The following ENTREP2 variants were observed in gnomAD, a reference collection of about 807,000 sequenced individuals.
The protein encoded by ENTREP2 is endosomal transmembrane epsin interactor 2.
chr15:29,460,311 A>C, the ENTREP2 span, among the ~76,000 whole-genome samples: 1 of 151,944 alleles, frequency 6.6e-6, no homozygotes, highest in Non-Finnish European at 1.5e-5. Context: ...ATATGAAACA[A>C]TGTATGTGTC....
At chr15:29,265,826 C>G in the ENTREP2 span, 1 of 152,128 alleles carries the variant, frequency 6.6e-6, no homozygotes, top group African/African-American at 2.4e-5. Flanking sequence ...AATACAAAAA[C>G]TATTTCCATA....
the ENTREP2 span, among the ~76,000 whole-genome samples, chr15:29,219,862 G>T: frequency 6.6e-6 from 1 of 151,378 alleles, no homozygotes; most frequent in Non-Finnish European, 1.5e-5. Context: ...GGGTACTTGA[G>T]GGGAAAAGTA....
the ENTREP2 span, among the ~76,000 whole-genome samples, chr15:29,286,962 G>T: frequency 1.3e-5 from 2 of 152,030 alleles, no homozygotes; most frequent in South Asian, 2.1e-4. Context: ...AACAATTCGG[G>T]CCACTATGGG....
At chr15:29,435,679 T>C in the ENTREP2 span, among the ~76,000 whole-genome samples, 3 of 151,968 alleles carry the variant, frequency 2.0e-5, no homozygotes, top group African/African-American at 7.3e-5. Context: ...CACATATATA[T>C]ACACACATAT....
At chr15:29,607,798 G>GGATAGATAGATA in the ENTREP2 span, among the ~76,000 whole-genome samples, 18,923 of 149,842 alleles carry the variant, frequency 0.13, 1,537 homozygotes, top group African/African-American at 0.23. Context: ...TAGAATAGAG[G>GGATAGATAGATA]GATAGATAGA....
the ENTREP2 span, among the ~76,000 whole-genome samples, chr15:29,211,857 T>C: frequency 4.6e-5 from 7 of 152,214 alleles, no homozygotes; most frequent in Non-Finnish European, 1.0e-4. Flanking sequence ...TATCTTTTGA[T>C]ATGTTGTTGG....
At chr15:29,209,064 G>A in the ENTREP2 span, among the ~76,000 whole-genome samples, 5 of 152,204 alleles carry the variant, frequency 3.3e-5, no homozygotes, top group South Asian at 8.3e-4. Context: ...GGCTCCCGGG[G>A]ATGCTGGAGA....
chr15:29,239,908 T>C, the ENTREP2 span, among the ~76,000 whole-genome samples: 1 of 152,358 alleles, frequency 6.6e-6, no homozygotes, highest in East Asian at 1.9e-4. Flanking sequence ...GTTTCTCTCA[T>C]TATTCAAAGA....
At chr15:29,282,326 C>G in the ENTREP2 span, among the ~76,000 whole-genome samples, 1 of 152,198 alleles carries the variant, frequency 6.6e-6, no homozygotes, top group African/African-American at 2.4e-5. Flanking sequence ...AAGACGTGCC[C>G]TTTGCCTTCT....
the ENTREP2 span, among the ~76,000 whole-genome samples, chr15:29,195,858 T>C: frequency 6.6e-6 from 1 of 152,218 alleles, no homozygotes; most frequent in Non-Finnish European, 1.5e-5. Context: ...TTTGGCACAG[T>C]TTTATTCAGG....
chr15:29,299,515 C>A, the ENTREP2 span, among the ~76,000 whole-genome samples: 1 of 152,106 alleles, frequency 6.6e-6, no homozygotes, highest in Non-Finnish European at 1.5e-5. Flanking sequence ...ACTTGCTCTT[C>A]CTTCTGTCTG....
chr15:29,641,739 C>T, the ENTREP2 span, among the ~76,000 whole-genome samples: 2 of 145,896 alleles, frequency 1.4e-5, no homozygotes, highest in Admixed American at 1.4e-4. Flanking sequence ...GGCTGAGGCA[C>T]AAGAATCTCT....
chr15:29,135,485 G>A, the ENTREP2 span, among the ~76,000 whole-genome samples: 1 of 152,066 alleles, frequency 6.6e-6, no homozygotes, highest in South Asian at 2.1e-4. This position sits in a 1 kb window ranked among gnomAD's most constrained non-coding sequence, Gnocchi z 7.4. Flanking sequence ...CCATCTCTCT[G>A]TCCTGGCTAG....
chr15:29,119,280 T>TACAATTCTCGACGTGGCCAACAAACAA, the ENTREP2 span, among the ~76,000 whole-genome samples: 10 of 10,520 alleles, frequency 9.5e-4, no homozygotes, highest in Admixed American at 3.6e-3. Context: ...TTAAGAATGA[T>TACAATTCTCGACGTGGCCAACAAACAA]GAGTTCATGT....
At chr15:29,215,160 C>T in the ENTREP2 span, among the ~76,000 whole-genome samples, 7 of 152,208 alleles carry the variant, frequency 4.6e-5, no homozygotes, top group South Asian at 1.0e-3. Flanking sequence ...TGATATTTTC[C>T]GGTTGGACAA....
chr15:29,598,052 G>A, the ENTREP2 span, among the ~76,000 whole-genome samples: 1 of 152,130 alleles, frequency 6.6e-6, no homozygotes, highest in African/African-American at 2.4e-5. Context: ...GAGCCTGGGA[G>A]GCAGAGGTTG....
At chr15:29,672,837 C>CA in the ENTREP2 span, among the ~76,000 whole-genome samples, 1 of 152,014 alleles carries the variant, frequency 6.6e-6, no homozygotes, top group Non-Finnish European at 1.5e-5. Flanking sequence ...AAAGGGGTCC[C>CA]AATCCAGACA....
chr15:29,221,600 G>A, the ENTREP2 span, among the ~76,000 whole-genome samples: 2,650 of 152,190 alleles, frequency 0.017, 81 homozygotes, highest in African/African-American at 0.061. Context: ...CTTATCACAC[G>A]AGAGACATGG....
At chr15:29,630,448 T>C in the ENTREP2 span, among the ~76,000 whole-genome samples, 3 of 152,184 alleles carry the variant, frequency 2.0e-5, no homozygotes, top group African/African-American at 7.2e-5. Flanking sequence ...ATAATGTATC[T>C]TGATGTGGAT....
Sources: gnomAD v4.1 joint callset for allele counts (sites outside exome capture counted in the v4.1 genomes callset) on GRCh38, gnomAD v4.1.1 for gene constraint, Gnocchi (gnomAD v3.1) non-coding constraint, MANE v1.5 for transcripts, NCBI Gene and HGNC (gene_info 2026-07-23, HGNC 2026-07-21) for gene names.